Variants in TAFA2 observed in about 807,000 individuals in gnomAD.
TAFA2 encodes chemokine-like protein TAFA-2.
A neutral mutation model predicts 18.8 loss-of-function variants in TAFA2; 7 were observed. That is an observed-to-expected ratio of 0.37 (90% confidence interval 0.21 to 0.70). The LOEUF (loss-of-function observed/expected upper bound fraction) is 0.70, where lower values mean the gene tolerates loss of function less well. TAFA2 is among the 30% of genes least tolerant of loss of function. The pLI is 0.53. For synonymous variants in TAFA2, 60 were observed against 54.2 expected, an observed-to-expected ratio of 1.11 and a Z score of -0.47; for missense variants, 122 against 158.1, an observed-to-expected ratio of 0.77 and a Z score of 1.23.
At chr12:62,018,624 G>C (rs2359871) in intron 1 of TAFA2, among the ~76,000 whole-genome samples, 4 of 151,984 alleles carry the variant, frequency 2.6e-5, no homozygotes, top group Non-Finnish European at 5.9e-5. Context: ...TAGCCATATG[G>C]AGAAAGCTGA....
intron 1 of TAFA2, among the ~76,000 whole-genome samples, chr12:61,997,739 A>G (rs1393369186): frequency 6.6e-6 from 1 of 152,120 alleles, no homozygotes; most frequent in African/African-American, 2.4e-5. Context: ...AACCATTCCA[A>G]TGACTTTACA....
chr12:62,021,967 C>T (rs1159598641), intron 1 of TAFA2: 2 of 697,532 alleles, frequency 2.9e-6, no homozygotes, highest in Non-Finnish European at 5.4e-6. Flanking sequence ...AGCAAGCCCT[C>T]CTAGGAGCTT....
chr12:61,963,297 A>T (rs1878954011), intron 1 of TAFA2, among the ~76,000 whole-genome samples: 1 of 151,934 alleles, frequency 6.6e-6, no homozygotes, highest in South Asian at 2.1e-4. Context: ...AGGAATTGCC[A>T]CACTATCTTC....
intron 1 of TAFA2, among the ~76,000 whole-genome samples, chr12:62,077,265 G>A (rs1482359987): frequency 6.6e-6 from 1 of 152,070 alleles, no homozygotes; most frequent in East Asian, 1.9e-4. Context: ...ATATAAACAT[G>A]GTTTAATGAG....
rs2120522163 is a variant in TAFA2 at position 61,709,051 on chromosome 12, A to C, written c.*1355T>G. On this transcript the variant is annotated 3_prime_UTR_variant, in exon 5 of 5. Coordinates refer to ENST00000416284, the MANE Select transcript of TAFA2 (RefSeq NM_178539.5). ...AATCCTTCTCCTTGCATTCCTTCAA[A>C]CTATAGGTTTACACAATATTGTTAC... 1 of 152,632 alleles carries C rather than the reference A, an allele frequency of 6.6e-6. No homozygotes were observed. Among genetic ancestry groups the C allele is most frequent in the South Asian group, 2.1e-4 (1 of 4,828 alleles). 9.5% of individuals were successfully genotyped at this position (152,632 alleles called of 1,614,324 possible). A position where few individuals can be genotyped will look rare whatever the true frequency, so the allele number is the denominator to read the frequency against.
At chr12:62,209,803 C>T (rs766832951) in intron 1 of TAFA2, among the ~76,000 whole-genome samples, 1 of 152,178 alleles carries the variant, frequency 6.6e-6, no homozygotes, top group Non-Finnish European at 1.5e-5. Context: ...ATACTTATCT[C>T]TTTGTTTTTG....
chr12:61,996,307 A>G (rs1354703875), intron 1 of TAFA2, among the ~76,000 whole-genome samples: 2 of 151,410 alleles, frequency 1.3e-5, no homozygotes, highest in East Asian at 3.9e-4. Flanking sequence ...TGTATCAGAA[A>G]CCTCCTGTGA....
chr12:61,832,890 G>C (rs779674479), intron 2 of TAFA2, among the ~76,000 whole-genome samples: 35 of 151,482 alleles, frequency 2.3e-4, no homozygotes, highest in Non-Finnish European at 4.1e-4. Context: ...CTCTTGACCA[G>C]CTCATCCAAT....
chr12:62,139,135 A>T (rs530312223), intron 1 of TAFA2, among the ~76,000 whole-genome samples: 1 of 152,324 alleles, frequency 6.6e-6, no homozygotes, highest in East Asian at 1.9e-4. Flanking sequence ...CTAGGAAAAG[A>T]TCTTGTCAAT....
upstream of TAFA2, among the ~76,000 whole-genome samples, chr12:62,196,219 G>T (rs1177765971): frequency 2.6e-5 from 4 of 152,156 alleles, no homozygotes; most frequent in Admixed American, 2.0e-4. Context: ...TTAGACCCTG[G>T]CTAAAAGGAA....
intron 4 of TAFA2, among the ~76,000 whole-genome samples, chr12:61,746,147 G>A (rs538884829): frequency 1.3e-5 from 2 of 152,172 alleles, no homozygotes; most frequent in Admixed American, 1.3e-4. Context: ...TGGATCATGA[G>A]GCTAGTTTCC....
At chr12:62,108,748 T>C (rs1869581219) in intron 1 of TAFA2, among the ~76,000 whole-genome samples, 1 of 152,146 alleles carries the variant, frequency 6.6e-6, no homozygotes, top group African/African-American at 2.4e-5. Flanking sequence ...TGATGGTGAG[T>C]TTTTTTACAT....
At chr12:62,244,084 C>T in intron 1 of TAFA2, among the ~76,000 whole-genome samples, 1 of 149,510 alleles carries the variant, frequency 6.7e-6, no homozygotes, top group African/African-American at 2.4e-5. Flanking sequence ...GCCACCATAC[C>T]TGGCCTTTTT....
intron 1 of TAFA2, among the ~76,000 whole-genome samples, chr12:62,210,484 A>G (rs1047043676): frequency 6.6e-6 from 1 of 152,194 alleles, no homozygotes; most frequent in African/African-American, 2.4e-5. Context: ...GTTAAGACAG[A>G]GCTTCAAATT....
chr12:61,809,807 C>A (rs1053677664), intron 2 of TAFA2, among the ~76,000 whole-genome samples: 4 of 151,290 alleles, frequency 2.6e-5, no homozygotes, highest in African/African-American at 7.4e-5. Flanking sequence ...TATGAAGAAT[C>A]AAGTCCTTCT....
chr12:61,733,848 A>G (rs1458504979), intron 4 of TAFA2, among the ~76,000 whole-genome samples: 12 of 151,460 alleles, frequency 7.9e-5, no homozygotes, highest in African/African-American at 2.7e-4. Context: ...CATTGAATCT[A>G]TAAATTACCT....
At chr12:62,230,593 T>G (rs1311244551) in intron 1 of TAFA2, among the ~76,000 whole-genome samples, 1 of 152,192 alleles carries the variant, frequency 6.6e-6, no homozygotes, top group East Asian at 1.9e-4. Flanking sequence ...TATTTAGACT[T>G]TTTTGAATTT....
intron 1 of TAFA2, among the ~76,000 whole-genome samples, chr12:61,876,009 A>G (rs1343564158): frequency 1.3e-5 from 2 of 152,190 alleles, no homozygotes; most frequent in Non-Finnish European, 2.9e-5. Context: ...CTTATATTTA[A>G]TTTTGTGATT....
At chr12:61,885,584 A>C (rs1024414061) in intron 1 of TAFA2, among the ~76,000 whole-genome samples, 2 of 152,170 alleles carry the variant, frequency 1.3e-5, no homozygotes, top group Non-Finnish European at 2.9e-5. Flanking sequence ...TGTGTCCTCC[A>C]CCTCAGTTCA....
Sources: allele counts gnomAD v4.1 joint callset (sites outside exome capture counted in the v4.1 genomes callset), GRCh38; gene constraint gnomAD v4.1.1; transcripts MANE v1.5; gene names NCBI Gene and HGNC (gene_info 2026-07-23, HGNC 2026-07-21).